CTSO: variants seen among roughly 807,000 people sequenced by gnomAD.
CTSO encodes the protein cathepsin O.
A neutral mutation model predicts 42.4 loss-of-function variants in CTSO; 40 were observed. The ratio of observed to expected loss-of-function variants is 0.94; its 90% confidence interval spans 0.73 to 1.23. CTSO has a LOEUF of 1.23. CTSO is among the 50% of genes most tolerant of loss of function. CTSO has a pLI of 0.00. For missense variants in CTSO, 441 were observed against 396.0 expected (o/e 1.11, Z -0.96); for synonymous variants, 156 against 146.2 (o/e 1.07, Z -0.48).
Position 155,942,359 on chromosome 4 carries a change from C to G in CTSO, c.342G>C (p.Trp114Cys). 1.3e-6 allele frequency: 2 copies of G among 1,591,046 alleles called. No individual in the cohort carries two copies. Among genetic ancestry groups the G allele is most frequent in the Non-Finnish European group, 1.7e-6 (2 of 1,169,984 alleles). The change falls in exon 3 of 8, where the codon TGG (tryptophan) becomes TGC (cysteine). Residue 114 changes from tryptophan (W) to cysteine (C), a missense_variant. Physicochemically the swap from Trp to Cys is radical, Grantham distance 215 (BLOSUM62 -2). Transcript: ENST00000433477. ...CTTGTGTCACAACCTGCTTGTCCCT[C>G]CAGTCAAATCTTAACGGCAAAGACA... ...PNVSLPLRFDWRDKQVVTQVR... is the reference protein window; with the variant it reads ...PNVSLPLRFDCRDKQVVTQVR...
At chr4:155,939,860 A>C (rs1025961930) in intron 3 of CTSO, among the ~76,000 whole-genome samples, 1 of 152,162 alleles carries the variant, frequency 6.6e-6, no homozygotes, top group Non-Finnish European at 1.5e-5. Context: ...AGTTCACTGA[A>C]TATGTGACTT....
At position 155,953,544 on chromosome 4, in the gene CTSO, G is replaced by C. The variant is rs528553860; in HGVS notation, c.135+169C>G. 2.6e-5 allele frequency among the ~76,000 whole-genome samples: 4 copies of C among 152,290 alleles called. No homozygotes were observed. In the East Asian group the frequency reaches 7.7e-4, roughly 29 times the overall value. On this transcript the variant is annotated intron_variant, in intron 1 of 7. Coordinates refer to ENST00000433477, the MANE Select transcript of CTSO (RefSeq NM_001334.3). ...GAGTGACACCATGGCACAAGGAGAG[G>C]GGAGAGAGAAGCTGGCTTTTGCACC...
At chr4:155,946,981 G>A (rs908103213) in intron 1 of CTSO, among the ~76,000 whole-genome samples, 2 of 151,912 alleles carry the variant, frequency 1.3e-5, no homozygotes, top group South Asian at 2.1e-4. Context: ...TCAGCCTCCC[G>A]AGTAGCTGGG....
chr4:155,942,248 A>G, intron 3 of CTSO, 69 bp downstream of exon 3: 2 of 1,292,520 alleles, frequency 1.5e-6, no homozygotes, highest in Non-Finnish European at 2.0e-6. Context: ...TACAACTTTG[A>G]TTAAACTTGA....
chr4:155,950,547 G>T lies in CTSO; in HGVS notation c.135+3166C>A, dbSNP rs933383899. Among the ~76,000 whole-genome samples, 10 of 152,088 alleles carry T rather than the reference G, an allele frequency of 6.6e-5. No individual in the cohort carries two copies. The East Asian group carries it at 1.9e-3, about 29-fold the overall frequency. Reference sequence around the variant, plus strand: ...CAACCTTATCTAACATCAAATTCGTGTTTTCATCTTTATATAAGGTAGAAC... The same window carrying T: ...CAACCTTATCTAACATCAAATTCGTTTTTTCATCTTTATATAAGGTAGAAC... On this transcript the variant is annotated intron_variant, in intron 1 of 7. Coordinates refer to ENST00000433477, the MANE Select transcript of CTSO (RefSeq NM_001334.3).
At chr4:155,951,386 A>G (rs1743671382) in intron 1 of CTSO, among the ~76,000 whole-genome samples, 1 of 152,212 alleles carries the variant, frequency 6.6e-6, no homozygotes, top group Non-Finnish European at 1.5e-5. Context: ...GAGCTTCCTG[A>G]GCACTGGAAG....
chr4:155,950,010 G>A (rs935239461), intron 1 of CTSO, among the ~76,000 whole-genome samples: 3 of 152,130 alleles, frequency 2.0e-5, no homozygotes, highest in Non-Finnish European at 4.4e-5. Context: ...GCTTTTTAAG[G>A]ATACACTTTT....
chr4:155,933,315 G>A (rs1291079792), intron 5 of CTSO, among the ~76,000 whole-genome samples: 1 of 152,100 alleles, frequency 6.6e-6, no homozygotes, highest in African/African-American at 2.4e-5. Flanking sequence ...CATGTAAGAA[G>A]TGCCTTTCTC....
At position 155,927,237 on chromosome 4, in the gene CTSO, TAATC is replaced by T. The variant is rs201177798; in HGVS notation, c.931+1095_931+1098del. 1.3e-3 allele frequency among the ~76,000 whole-genome samples: 191 copies of T among 152,352 alleles called. 5 individuals carry two copies. In the East Asian group the frequency reaches 0.026, roughly 21 times the overall value. On this transcript the variant is annotated intron_variant, in intron 7 of 7. Transcript: ENST00000433477. ...ACTTTCAAATTTTTCTGTAACTATT[TAATC>T]AGTCTCATAATCTGAAAGATTCTGC...
chr4:155,943,873 T>C (rs918080480), intron 1 of CTSO, among the ~76,000 whole-genome samples: 6 of 152,208 alleles, frequency 3.9e-5, no homozygotes, highest in Non-Finnish European at 7.4e-5. Flanking sequence ...ATGTGACCAT[T>C]ATTTACTGAT....
At chr4:155,935,482 C>T (rs764409443) in intron 5 of CTSO, among the ~76,000 whole-genome samples, 1 of 151,942 alleles carries the variant, frequency 6.6e-6, no homozygotes, top group Non-Finnish European at 1.5e-5. Flanking sequence ...CATGTTCCCC[C>T]ACATATCTGC....
At position 155,940,075 on chromosome 4, in the gene CTSO, T is replaced by C. The variant is rs999931460; in HGVS notation, c.385-537A>G. Among the ~76,000 whole-genome samples the C allele has an allele frequency of 1.1e-4, 17 of 152,338 alleles. 1 individual carries two copies. The highest frequency in any genetic ancestry group is 9.8e-4 in the Admixed American group (15 of 15,304). ...AATATTAATGAATTACTCTTTAGGC[T>C]ATAAAGATGCCCGATTAAGTATGCT... On this transcript the variant is annotated intron_variant, in intron 3 of 7. Transcript: ENST00000433477.
chr4:155,926,207 A>G (rs181813517), intron 7 of CTSO, 137 bp from the exon 8 acceptor site: 20 of 604,908 alleles, frequency 3.3e-5, no homozygotes, highest in East Asian at 2.4e-4. Context: ...CAGCTTGTCA[A>G]TGTAAACATG....
chr4:155,944,284 T>G (rs1743496733), intron 1 of CTSO, among the ~76,000 whole-genome samples: 1 of 152,232 alleles, frequency 6.6e-6, no homozygotes, highest in Non-Finnish European at 1.5e-5. Flanking sequence ...TAATCTTATT[T>G]TTTTTCCTTT....
chr4:155,935,088 G>A (rs1185079058), intron 5 of CTSO, among the ~76,000 whole-genome samples: 1 of 152,130 alleles, frequency 6.6e-6, no homozygotes, highest in African/African-American at 2.4e-5. Context: ...ATTCATGGGG[G>A]CTGGTCTTTC....
intron 5 of CTSO, among the ~76,000 whole-genome samples, chr4:155,935,493 G>A (rs1229878034): frequency 1.3e-4 from 19 of 151,796 alleles, no homozygotes; most frequent in Admixed American, 9.9e-4. Flanking sequence ...ACATATCTGC[G>A]TGGTTAAGTC....
chr4:155,937,732 C>T (rs1037189511), intron 4 of CTSO, among the ~76,000 whole-genome samples: 23 of 152,026 alleles, frequency 1.5e-4, no homozygotes, highest in Non-Finnish European at 2.8e-4. Context: ...ATCCCACCTC[C>T]GTCTCCCCAG....
At chr4:155,929,398 C>T in intron 6 of CTSO, 144 bp downstream of exon 6, 1 of 758,562 alleles carries the variant, frequency 1.3e-6, no homozygotes, top group South Asian at 2.2e-5. Context: ...CACATTTACT[C>T]CTATAAGATT....
At chr4:155,951,283 C>A (rs1002074369) in intron 1 of CTSO, among the ~76,000 whole-genome samples, 3 of 151,910 alleles carry the variant, frequency 2.0e-5, no homozygotes, top group Non-Finnish European at 4.4e-5. Flanking sequence ...ATAAGAATAC[C>A]AAATGTTCTG....
Sources: allele counts gnomAD v4.1 joint callset (sites outside exome capture counted in the v4.1 genomes callset), GRCh38; gene constraint gnomAD v4.1.1; transcripts MANE v1.5; gene names NCBI Gene and HGNC (gene_info 2026-07-23, HGNC 2026-07-21).